Variants in WDR45 observed in about 807,000 individuals in gnomAD.
WDR45 encodes the protein WD repeat domain 45, also known as WD repeat domain phosphoinositide-interacting protein 4.
A neutral mutation model predicts 27.3 loss-of-function variants in WDR45; 2 were observed. The ratio of observed to expected loss-of-function variants is 0.07; its 90% confidence interval spans 0.03 to 0.23. The LOEUF is 0.23. WDR45 is among the 10% of genes least tolerant of loss of function. The pLI is 1.00. For missense variants in WDR45, 175 were observed against 311.9 expected (o/e 0.56, Z 3.31); for synonymous variants, 99 against 119.2 (o/e 0.83, Z 1.11).
rs2147816569 is a variant in WDR45, at chrX:49,076,701, C to T, written c.285G>A (p.Leu95=). The change falls in exon 5 of 11, where the codon CTG becomes CTA. Residue 95 remains leucine (L), a synonymous_variant. Transcript: ENST00000376372. The part of the protein sequence containing the change: ...AREGKDSKEK[L]VLEFTFTKPV... ...GCTTGGTGAAGGTGAACTCCAGCAC[C>T]AGCTTCTCCTTGGAGTCCTTGCCCT... 2 of 1,210,743 alleles carry T rather than the reference C, an allele frequency of 1.7e-6. No individual in the cohort carries two copies. Among genetic ancestry groups the T allele is most frequent in the South Asian group, 3.5e-5 (2 of 56,756 alleles).
chrX:49,096,377 C>T (rs1198347875), intron 2 of WDR45, among the ~76,000 whole-genome samples: 7 of 111,043 alleles, frequency 6.3e-5, no homozygotes, highest in Admixed American at 5.8e-4. Context: ...ACTACAGGCA[C>T]GCACCACCAC....
rs76591111 is a variant in WDR45, at chrX:49,077,755, G to T, written c.131-8C>A. 4.7e-5 allele frequency: 56 copies of T among 1,198,227 alleles called. No individual in the cohort carries two copies. In the East Asian group the frequency reaches 1.6e-3, roughly 33 times the overall value. On this transcript the variant is annotated splice_polypyrimidine_tract_variant and splice_region_variant and intron_variant, in intron 3 of 10. Coordinates refer to ENST00000376372, the MANE Select transcript of WDR45 (RefSeq NM_001029896.2). Reference sequence around the variant, plus strand: ...TGCCCACCTGCTCGTGGTCTGGACAGGGACCAGGGTGTCAGTGGAGGTGGG... The same window carrying T: ...TGCCCACCTGCTCGTGGTCTGGACATGGACCAGGGTGTCAGTGGAGGTGGG...
At chrX:49,087,184 C>T (rs782416797) in intron 2 of WDR45, among the ~76,000 whole-genome samples, 1 of 108,865 alleles carries the variant, frequency 9.2e-6, no homozygotes, top group African/African-American at 3.3e-5. Context: ...ATGGTGAAAG[C>T]CCGTCTTTAC....
At chrX:49,086,213 C>G (rs1022819657) in intron 2 of WDR45, among the ~76,000 whole-genome samples, 1 of 111,804 alleles carries the variant, frequency 8.9e-6, no homozygotes, top group Admixed American at 9.5e-5. Flanking sequence ...AGTGCAATGG[C>G]GTGATCTCGG....
At chrX:49,098,782 G>A (rs1458573249) in intron 2 of WDR45, among the ~76,000 whole-genome samples, 4 of 110,995 alleles carry the variant, frequency 3.6e-5, no homozygotes, top group African/African-American at 1.3e-4. Context: ...ACTCCAGCCT[G>A]GGTGACAAAG....
intron 1 of WDR45, chrX:49,079,193 T>A (rs1403759071): frequency 9.1e-6 from 1 of 109,553 alleles, no homozygotes; most frequent in Non-Finnish European, 1.9e-5. Context: ...TGTTCTGCTG[T>A]CCTTGACTAC....
At chrX:49,089,814 GA>G (rs57811622) in intron 2 of WDR45, among the ~76,000 whole-genome samples, 2,931 of 103,528 alleles carry the variant, frequency 0.028, 136 homozygotes, top group African/African-American at 0.098. Flanking sequence ...GAAAAGAAGA[GA>G]AAAAAAGAAG....
chrX:49,086,724 G>A (rs1170614858), intron 2 of WDR45, among the ~76,000 whole-genome samples: 2 of 111,049 alleles, frequency 1.8e-5, no homozygotes, highest in African/African-American at 3.3e-5. Context: ...CTCCTGAGTA[G>A]TGGGGATTAC....
At position 49,076,558 on chromosome X, in the gene WDR45, G is replaced by A. The variant is rs200325764; in HGVS notation, c.342-34C>T. ...ATCACACAACACAGGATGGCCGTGA[G>A]GGGGTGGCGGGATGCCCAGGGAGGA... On this transcript the variant is annotated intron_variant, in intron 5 of 10. Transcript: ENST00000376372. The A allele has an allele frequency of 5.0e-6, 6 of 1,205,014 alleles. No homozygotes were observed. The East Asian group carries it at 1.8e-4, about 36-fold the overall frequency.
intron 2 of WDR45, among the ~76,000 whole-genome samples, chrX:49,097,301 C>G (rs184804670): frequency 9.8e-4 from 104 of 105,841 alleles, no homozygotes; most frequent in Admixed American, 1.6e-3. Context: ...TTTTGTCGCC[C>G]AGGCGCCCAC....
upstream of WDR45, among the ~76,000 whole-genome samples, chrX:49,081,549 G>A (rs1289221896): frequency 3.8e-5 from 4 of 104,536 alleles, no homozygotes; most frequent in Admixed American, 1.0e-4. Flanking sequence ...AAAAAAAGCC[G>A]GGCGTGGTGA....
Position 49,075,812 on chromosome X carries a change from C to T in WDR45, c.516+54G>A. 2.5e-6 allele frequency: 3 copies of T among 1,198,798 alleles called. No homozygotes were observed. In the Admixed American group the frequency reaches 6.7e-5, roughly 27 times the overall value. On this transcript the variant is annotated intron_variant, in intron 7 of 10. Transcript: ENST00000376372. ...GGTATGGAGGGAAGGGGCCAAGAGT[C>T]CACAAGGAAGCCAGTCCACCAACCT... is the stretch of plus-strand genomic sequence containing the variant.
At chrX:49,083,872 G>A (rs1440487357), upstream of WDR45, among the ~76,000 whole-genome samples, 21 of 100,606 alleles carry the variant, frequency 2.1e-4, no homozygotes, top group African/African-American at 6.5e-4. Context: ...GCTTGAACCC[G>A]GGAGGCGGAG....
At chrX:49,079,235 A>G in intron 1 of WDR45, 1 of 96,198 alleles carries the variant, frequency 1.0e-5, no homozygotes, top group East Asian at 3.7e-4. Flanking sequence ...AACCCCAGGA[A>G]CCCCCCCCAT....
In WDR45 at chrX:49,074,555, T is replaced by G; in HGVS notation, c.*248A>C. On this transcript the variant is annotated 3_prime_UTR_variant, in exon 11 of 11. Transcript: ENST00000376372. ...GCACTCCCTCTGGGTCCCTGGCAAT[T>G]TCCTCCAGGTTAGGGATCCCAAGGG... The G allele has an allele frequency of 2.5e-6, 1 of 397,570 alleles. No individual in the cohort carries two copies. The highest frequency in any genetic ancestry group is 4.3e-6 in the Non-Finnish European group (1 of 230,557). The allele number at this position is 397,570 out of a possible 1,213,427, so 32.8% of individuals were successfully genotyped here. A position where few individuals can be genotyped will look rare whatever the true frequency, so the allele number is the denominator to read the frequency against.
At chrX:49,082,503 GCTTT>G, upstream of WDR45, among the ~76,000 whole-genome samples, 1 of 110,599 alleles carries the variant, frequency 9.0e-6, no homozygotes. Context: ...CAATCATCTG[GCTTT>G]CTTCAGACTC....
chrX:49,094,329 C>T (rs782485950), intron 2 of WDR45, among the ~76,000 whole-genome samples: 5 of 110,691 alleles, frequency 4.5e-5, no homozygotes, highest in Non-Finnish European at 7.6e-5. Flanking sequence ...ATTAGCCATG[C>T]GTGGTGGTGT....
intron 2 of WDR45, among the ~76,000 whole-genome samples, chrX:49,090,903 G>C (rs1245129462): frequency 9.9e-6 from 1 of 100,622 alleles, no homozygotes; most frequent in Non-Finnish European, 2.0e-5. Context: ...GCGCGATCTC[G>C]GCTCACTGCA....
intron 2 of WDR45, among the ~76,000 whole-genome samples, chrX:49,094,737 G>T (rs1392545811): frequency 1.8e-5 from 2 of 110,596 alleles, no homozygotes; most frequent in African/African-American, 6.5e-5. Context: ...AGACATAGTT[G>T]GCACTCAAAA....
Sources: allele counts gnomAD v4.1 joint callset (sites outside exome capture counted in the v4.1 genomes callset), GRCh38; gene constraint gnomAD v4.1.1; transcripts MANE v1.5; gene names NCBI Gene and HGNC (gene_info 2026-07-23, HGNC 2026-07-21).